HHAT: variants seen among roughly 807,000 people sequenced by gnomAD.
The protein encoded by HHAT is protein-cysteine N-palmitoyltransferase HHAT.
In HHAT, 47 loss-of-function variants were observed where a neutral mutation model predicts 70.8. The ratio of observed to expected loss-of-function variants is 0.66; its 90% CI spans 0.53 to 0.85. HHAT has a LOEUF of 0.85. Among genes scored for constraint, HHAT ranks in the 40% least tolerant of loss-of-function variants. The pLI, the probability that HHAT is intolerant of heterozygous loss-of-function variation, is 0.00. For synonymous variants in HHAT, 228 were observed against 247.6 expected (o/e 0.92, Z 0.74); for missense variants, 609 against 604.8 (o/e 1.01, Z -0.07).
At chr1:210,631,029 T>C (rs1670760762) in intron 11 of HHAT, 1 of 456,590 alleles carries the variant, frequency 2.2e-6, no homozygotes, top group East Asian at 6.9e-5. Context: ...ACTCAATCCA[T>C]GTTGGGAGAC....
chr1:210,374,173 C>A (rs12062126), intron 3 of HHAT: 2 of 152,112 alleles, frequency 1.3e-5, no homozygotes, highest in South Asian at 2.1e-4. Context: ...CAGGGCAAGG[C>A]TTACAAAAAA....
At chr1:210,497,317 A>G (rs2094666378) in intron 8 of HHAT, among the ~76,000 whole-genome samples, 2 of 152,214 alleles carry the variant, frequency 1.3e-5, no homozygotes, top group Non-Finnish European at 2.9e-5. Context: ...TGACTAGTGT[A>G]AATGACTGAA....
rs574241851 is a variant in HHAT at position 210,487,438 on chromosome 1, A to C, written c.1007+22783A>C. On this transcript the variant is annotated intron_variant, in intron 8 of 11. Transcript: ENST00000261458. Reference sequence around the variant, plus strand: ...GTCTTCAGAGGTATCCAGTTGAAAGACTAGGGTTATTAGTATTCTGAAGGG... The same window carrying C: ...GTCTTCAGAGGTATCCAGTTGAAAGCCTAGGGTTATTAGTATTCTGAAGGG... Among the ~76,000 whole-genome samples, 4 of 152,264 alleles carry C rather than the reference A, an allele frequency of 2.6e-5. No individual in the cohort carries two copies. The South Asian group carries it at 8.3e-4, about 32-fold the overall frequency.
At chr1:210,404,709 T>G in intron 6 of HHAT, 30 bp downstream of exon 6, 1 of 1,570,260 alleles carries the variant, frequency 6.4e-7, no homozygotes, top group Non-Finnish European at 8.8e-7. Flanking sequence ...GGATTGGGAT[T>G]CTATAGCTTA....
intron 9 of HHAT, among the ~76,000 whole-genome samples, chr1:210,565,621 C>A (rs936082584): frequency 6.6e-6 from 1 of 152,072 alleles, no homozygotes; most frequent in African/African-American, 2.4e-5. Context: ...TTTGGAATCA[C>A]AAAGAATGGA....
intron 7 of HHAT, among the ~76,000 whole-genome samples, chr1:210,464,124 T>A (rs919097629): frequency 6.6e-6 from 1 of 152,180 alleles, no homozygotes; most frequent in Non-Finnish European, 1.5e-5. Flanking sequence ...TGTTATTCGG[T>A]CAAATACTAG....
intron 10 of HHAT, among the ~76,000 whole-genome samples, chr1:210,607,992 A>G (rs937173883): frequency 6.6e-6 from 1 of 152,168 alleles, no homozygotes; most frequent in Admixed American, 6.5e-5. Flanking sequence ...CCTCACTGAT[A>G]TGTTGTGAAG....
At chr1:210,646,803 T>C (rs1049403449) in intron 11 of HHAT, among the ~76,000 whole-genome samples, 1 of 152,218 alleles carries the variant, frequency 6.6e-6, no homozygotes, top group East Asian at 1.9e-4. Flanking sequence ...ATATTTTATA[T>C]AAAAATCTTC....
intron 1 of HHAT, among the ~76,000 whole-genome samples, chr1:210,342,498 A>G (rs2086125528): frequency 6.6e-6 from 1 of 152,194 alleles, no homozygotes; most frequent in African/African-American, 2.4e-5. Flanking sequence ...TCATTTGTGT[A>G]GATTAATCAG....
chr1:210,666,924 CA>C (rs1400806257), intron 11 of HHAT, among the ~76,000 whole-genome samples: 2 of 151,872 alleles, frequency 1.3e-5, no homozygotes, highest in African/African-American at 4.8e-5. Flanking sequence ...ACTAAAAATA[CA>C]AAAAATTAGC....
intron 3 of HHAT, among the ~76,000 whole-genome samples, chr1:210,381,959 T>C (rs1202220080): frequency 6.6e-6 from 1 of 152,220 alleles, no homozygotes; most frequent in Non-Finnish European, 1.5e-5. Context: ...TATGCGTTTG[T>C]GTTGTTTTCA....
At chr1:210,638,399 C>T (rs768955741) in intron 11 of HHAT, among the ~76,000 whole-genome samples, 67 of 152,134 alleles carry the variant, frequency 4.4e-4, no homozygotes, top group Non-Finnish European at 7.1e-4. Flanking sequence ...CTTGGAAACA[C>T]GGTAAATGAA....
intron 11 of HHAT, among the ~76,000 whole-genome samples, chr1:210,642,877 T>A (rs188320628): frequency 6.6e-6 from 1 of 152,332 alleles, no homozygotes; most frequent in East Asian, 1.9e-4. Flanking sequence ...GTTCCTTCAT[T>A]GTTAGTACTT....
At chr1:210,619,031 T>G (rs116675478) in intron 10 of HHAT, among the ~76,000 whole-genome samples, 2,676 of 152,300 alleles carry the variant, frequency 0.018, 37 homozygotes, top group Middle Eastern at 0.041. Context: ...CCATCTCATC[T>G]TAGTCTCTTG....
intron 11 of HHAT, among the ~76,000 whole-genome samples, chr1:210,644,545 G>A (rs1261479156): frequency 1.4e-5 from 2 of 147,566 alleles, no homozygotes; most frequent in South Asian, 2.2e-4. Flanking sequence ...AGAGGTTGTG[G>A]GAAGCTGAGA....
intron 11 of HHAT, among the ~76,000 whole-genome samples, chr1:210,652,553 C>G (rs891176037): frequency 1.3e-5 from 2 of 152,200 alleles, no homozygotes; most frequent in African/African-American, 2.4e-5. Context: ...AGCAGGCAGT[C>G]CCAGGCCTGG....
At chr1:210,599,935 G>T (rs998782837) in intron 10 of HHAT, among the ~76,000 whole-genome samples, 1 of 151,840 alleles carries the variant, frequency 6.6e-6, no homozygotes, top group Non-Finnish European at 1.5e-5. Context: ...TCTTCTTTCT[G>T]TTCATTACAT....
intron 8 of HHAT, among the ~76,000 whole-genome samples, chr1:210,496,211 A>T (rs901827799): frequency 6.6e-6 from 1 of 152,038 alleles, no homozygotes; most frequent in Admixed American, 6.6e-5. Context: ...GGCTGCAGTC[A>T]TCTGAAGGCC....
chr1:210,398,601 C>G (rs967235269), intron 4 of HHAT, among the ~76,000 whole-genome samples: 4 of 152,162 alleles, frequency 2.6e-5, no homozygotes, highest in African/African-American at 9.7e-5. Context: ...GGTAAGTTCC[C>G]AAACGAATCC....
Sources: gnomAD v4.1 joint callset for allele counts (sites outside exome capture counted in the v4.1 genomes callset) on GRCh38, gnomAD v4.1.1 for gene constraint, MANE v1.5 for transcripts, NCBI Gene and HGNC (gene_info 2026-07-23, HGNC 2026-07-21) for gene names.